TFDP3: variants seen among roughly 807,000 people sequenced by gnomAD.
TFDP3 encodes transcription factor Dp family member 3.
For missense variants in TFDP3, 353 were observed against 321.6 expected, an observed-to-expected ratio of 1.10 and a Z score of -0.75; for synonymous variants, 167 against 131.3, an observed-to-expected ratio of 1.27 and a Z score of -1.86.
rs1297192061 is a variant in TFDP3, at chrX:133,218,267, G to T, written c.-8C>A. ...ACTGACATATTTTGCCATGTTAACA[G>T]ATTTGGGAAATAAATGCTATAAATG... is the stretch of plus-strand genomic sequence containing the variant. On this transcript the variant is annotated 5_prime_UTR_variant, in exon 1 of 1. It adds an upstream start codon to the 5' untranslated region. Transcript: ENST00000310125. The T allele has an allele frequency of 9.0e-7, 1 of 1,114,938 alleles. No homozygotes were observed. The highest frequency in any genetic ancestry group is 2.3e-5 in the South Asian group (1 of 44,295). 91.9% of individuals were successfully genotyped at this position (1,114,938 alleles called of 1,213,427 possible).
In TFDP3 at chrX:133,218,223, C is replaced by G; in HGVS notation, c.37G>C (p.Glu13Gln). 1 of 1,155,932 alleles carries G rather than the reference C, an allele frequency of 8.7e-7. No homozygotes were observed. The highest frequency in any genetic ancestry group is 1.2e-6 in the Non-Finnish European group (1 of 869,377). Residue 13 changes from glutamate (E) to glutamine (Q), a missense_variant, in exon 1 of 1, where the codon GAA becomes CAA. Glu to Gln is a conservative substitution (Grantham distance 29). Transcript: ENST00000310125. ...KYVSLTEANE[E>Q]LKVLMDENQT... ...TTCTCGTCCATTAAGACCTTGAGTTCTTCGTTAGCTTCAGTGAGACTGACA... is the reference window on the plus strand; with the variant it reads ...TTCTCGTCCATTAAGACCTTGAGTTGTTCGTTAGCTTCAGTGAGACTGACA...
rs1184320386 is a variant in TFDP3 at position 133,218,032 on chromosome X, T to C, written c.228A>G (p.Pro76=). 8.3e-7 allele frequency: 1 copy of C among 1,211,861 alleles called. No homozygotes were observed. Among genetic ancestry groups the C allele is most frequent in the Non-Finnish European group, 1.1e-6 (1 of 895,561 alleles). ...AASNIPVVGS[P]NPPSTHFASQ... Reference sequence around the variant, plus strand: ...AGGCAAAGTGAGTGCTGGGTGGGTTTGGGCTTCCTACCACAGGGATGTTTG... The same window carrying C: ...AGGCAAAGTGAGTGCTGGGTGGGTTCGGGCTTCCTACCACAGGGATGTTTG... The change falls in exon 1 of 1, where the codon CCA becomes CCG. Residue 76 remains proline, a synonymous_variant. Coordinates refer to ENST00000310125, the MANE Select transcript of TFDP3 (RefSeq NM_016521.3).
chrX:133,217,573 C>A lies in TFDP3; in HGVS notation c.687G>T (p.Lys229Asn). 8.3e-7 allele frequency: 1 copy of A among 1,211,882 alleles called. No individual in the cohort carries two copies. ...QQLILQQIAF[K>N]NLVLRNQYVE... ...CATACTGGTTTCTCAGCACCAGGTT[C>A]TTGAAAGCAATTTGCTGTAGAATAA... Residue 229 changes from lysine (K) to asparagine (N), a missense_variant, in exon 1 of 1, where the codon AAG becomes AAT. Transcript: ENST00000310125.
At position 133,218,230 on chromosome X, in the gene TFDP3, A is replaced by T. The variant is rs779758323; in HGVS notation, c.30T>A (p.Ala10=). MAKYVSLTE[A]NEELKVLMDE... ...CCATTAAGACCTTGAGTTCTTCGTT[A>T]GCTTCAGTGAGACTGACATATTTTG... Residue 10 remains alanine (A), a synonymous_variant, in exon 1 of 1, where the codon GCT becomes GCA. Transcript: ENST00000310125. The T allele has an allele frequency of 8.7e-7, 1 of 1,146,465 alleles. No individual in the cohort carries two copies. The highest frequency in any genetic ancestry group is 1.2e-6 in the Non-Finnish European group (1 of 865,108). 94.5% of individuals were successfully genotyped at this position (1,146,465 alleles called of 1,213,427 possible).
rs768980407 is a variant in TFDP3 at position 133,218,092 on chromosome X, TTGC to T, written c.165_167del (p.Gln56del). The T allele has an allele frequency of 2.5e-6, 3 of 1,209,435 alleles. No homozygotes were observed. The African/African-American group carries it at 5.3e-5, about 21-fold the overall frequency. On this transcript the variant is annotated inframe_deletion, in exon 1 of 1. Coordinates refer to ENST00000310125, the MANE Select transcript of TFDP3 (RefSeq NM_016521.3). ...GTCTCTGAGGCATACCAATTACCAC[TTGC>T]TGGTCAATGTTGACACTGGACTGTC...
chrX:133,217,472 T>C lies in TFDP3; in HGVS notation c.788A>G (p.Lys263Arg), dbSNP rs755588251. The change falls in exon 1 of 1, where the codon AAG (lysine) becomes AGG (arginine). Residue 263 changes from lysine to arginine, a missense_variant. Transcript: ENST00000310125. ...HVPFIIISSSKKTVINCSISD... is the reference protein window; with the variant it reads ...HVPFIIISSSRKTVINCSISD... The stretch of plus-strand genomic sequence containing the variant: ...GATGCTGCAGTTGATGACGGTCTTC[T>C]TGCTACTGCTGATGATGATGAAGGG... The C allele has an allele frequency of 1.7e-6, 2 of 1,212,023 alleles. No homozygotes were observed. Among genetic ancestry groups the C allele is most frequent in the Non-Finnish European group, 2.2e-6 (2 of 895,557 alleles).
At position 133,216,987 on chromosome X, in the gene TFDP3, A is replaced by T; in HGVS notation, c.*55T>A. On this transcript the variant is annotated 3_prime_UTR_variant, in exon 1 of 1. Transcript: ENST00000310125. ...AAAACCTCACATTAAAAAAAAAAAA[A>T]AAGTTTCTTTTCCCTAAATGTTTTC... 2.6e-6 allele frequency: 3 copies of T among 1,138,572 alleles called. No individual in the cohort carries two copies. The highest frequency in any genetic ancestry group is 6.1e-5 in the Admixed American group (2 of 32,696). The allele number at this position is 1,138,572 out of a possible 1,213,427, so 93.8% of individuals were successfully genotyped here.
At position 133,218,223 on chromosome X, in the gene TFDP3, C is replaced by T; in HGVS notation, c.37G>A (p.Glu13Lys). 1.7e-6 allele frequency: 2 copies of T among 1,155,932 alleles called. No homozygotes were observed. Among genetic ancestry groups the T allele is most frequent in the Non-Finnish European group, 2.3e-6 (2 of 869,377 alleles). ...KYVSLTEANE[E>K]LKVLMDENQT... ...TTCTCGTCCATTAAGACCTTGAGTT[C>T]TTCGTTAGCTTCAGTGAGACTGACA... The change falls in exon 1 of 1, where the codon GAA becomes AAA. Residue 13 changes from glutamate (E) to lysine (K), a missense_variant. Coordinates refer to ENST00000310125, the MANE Select transcript of TFDP3 (RefSeq NM_016521.3).
In TFDP3 at chrX:133,218,328, G is replaced by C; in HGVS notation, c.-69C>G. Reference sequence around the variant, plus strand: ...CAGAGAAGAAAAACAATTCTTCCAGGCCGAGTGTAGGGCTGCCGTGAGGTG... The same window carrying C: ...CAGAGAAGAAAAACAATTCTTCCAGCCCGAGTGTAGGGCTGCCGTGAGGTG... On this transcript the variant is annotated 5_prime_UTR_variant, in exon 1 of 1. Coordinates refer to ENST00000310125, the MANE Select transcript of TFDP3 (RefSeq NM_016521.3). 1 of 996,267 alleles carries C rather than the reference G, an allele frequency of 1.0e-6. No individual in the cohort carries two copies. The highest frequency in any genetic ancestry group is 1.3e-6 in the Non-Finnish European group (1 of 747,318). 82.1% of individuals were successfully genotyped at this position (996,267 alleles called of 1,213,427 possible).
In TFDP3 at chrX:133,217,054, G is replaced by A. The variant is rs1166233911; in HGVS notation, c.1206C>T (p.Asp402=). The A allele has an allele frequency of 4.2e-6, 5 of 1,198,617 alleles. No individual in the cohort carries two copies. Among genetic ancestry groups the A allele is most frequent in the Non-Finnish European group, 4.5e-6 (4 of 887,515 alleles). ...DNNDDDLSEN[D]EDD ...AGGCGAGAGGACGTCAGTCATCCTC[G>A]TCATTCTCACTGAGGTCGTCATCGT... The change falls in exon 1 of 1, where the codon GAC becomes GAT. Residue 402 remains aspartate (D), a synonymous_variant. Coordinates refer to ENST00000310125, the MANE Select transcript of TFDP3 (RefSeq NM_016521.3).
chrX:133,217,262 G>A lies in TFDP3; in HGVS notation c.998C>T (p.Ala333Val). ...GAACACACCTCCAAAAGTTCCCTGA[G>A]CCATTTCTGTCACGTACGGCTCCAG... ...KALEPYVTEM[A>V]QGTFGGVFTT... The change falls in exon 1 of 1, where the codon GCT (alanine) becomes GTT (valine). Residue 333 changes from alanine to valine, a missense_variant. Physicochemically the swap from Ala to Val is moderately conservative, Grantham distance 64 (BLOSUM62 0). Coordinates refer to ENST00000310125, the MANE Select transcript of TFDP3 (RefSeq NM_016521.3). 8.3e-7 allele frequency: 1 copy of A among 1,211,981 alleles called. No homozygotes were observed.
Position 133,217,439 on chromosome X carries a change from T to C in TFDP3, c.821A>G (p.Asp274Gly). Residue 274 changes from aspartate to glycine, a missense_variant, in exon 1 of 1, where the codon GAC (aspartate) becomes GGC (glycine). By Grantham distance (94) the Asp-to-Gly change is moderately conservative. Transcript: ENST00000310125. ...AAACTTAAACAGATATTCTGATTTG[T>C]CGTCGGAGATGCTGCAGTTGATGAC... ...KTVINCSISD[D>G]KSEYLFKFNS... 2 of 1,211,629 alleles carry C rather than the reference T, an allele frequency of 1.7e-6. No individual in the cohort carries two copies. The highest frequency in any genetic ancestry group is 5.9e-5 in the East Asian group (2 of 33,830).
Position 133,218,036 on chromosome X carries a change from C to A in TFDP3, c.224G>T (p.Ser75Ile). Residue 75 changes from serine (S) to isoleucine (I), a missense_variant, in exon 1 of 1, where the codon AGC becomes ATC. Coordinates refer to ENST00000310125, the MANE Select transcript of TFDP3 (RefSeq NM_016521.3). ...PAASNIPVVG[S>I]PNPPSTHFAS... ...AAAGTGAGTGCTGGGTGGGTTTGGG[C>A]TTCCTACCACAGGGATGTTTGATGC... is the stretch of plus-strand genomic sequence containing the variant. The A allele has an allele frequency of 1.7e-6, 2 of 1,211,704 alleles. No individual in the cohort carries two copies. Among genetic ancestry groups the A allele is most frequent in the Non-Finnish European group, 2.2e-6 (2 of 895,546 alleles).
Position 133,217,876 on chromosome X carries a change from A to T in TFDP3, c.384T>A (p.Thr128=). ...VWETVQRKGT[T]SCQEVVGELV... The stretch of plus-strand genomic sequence containing the variant: ...GCTCGCCCACCACTTCCTGGCAGGA[A>T]GTGGTCCCTTTCCTCTGCACCGTCT... Residue 128 remains threonine (T), a synonymous_variant, in exon 1 of 1, where the codon ACT becomes ACA. Transcript: ENST00000310125. 8.3e-7 allele frequency: 1 copy of T among 1,211,659 alleles called. No homozygotes were observed. Among genetic ancestry groups the T allele is most frequent in the Non-Finnish European group, 1.1e-6 (1 of 895,469 alleles).
At position 133,218,148 on chromosome X, in the gene TFDP3, C is replaced by G. The variant is rs748945772; in HGVS notation, c.112G>C (p.Gly38Arg). The G allele has an allele frequency of 8.3e-7, 1 of 1,207,307 alleles. No homozygotes were observed. Among genetic ancestry groups the G allele is most frequent in the South Asian group, 1.8e-5 (1 of 56,146 alleles). Residue 38 changes from glycine (G) to arginine (R), a missense_variant, in exon 1 of 1, where the codon GGG becomes CGG. Coordinates refer to ENST00000310125, the MANE Select transcript of TFDP3 (RefSeq NM_016521.3). The part of the protein sequence containing the change: ...AVHTSTVNPL[G>R]KQLLPKTFGQ... The stretch of plus-strand genomic sequence containing the variant: ...AAGGTTTTCGGCAAGAGCTGCTTCC[C>G]GAGCGGGTTCACGGTGGAGGTGTGA...
rs111884715 is a variant in TFDP3, at chrX:133,216,974, TAA to T, written c.*66_*67del. On this transcript the variant is annotated 3_prime_UTR_variant, in exon 1 of 1. Coordinates refer to ENST00000310125, the MANE Select transcript of TFDP3 (RefSeq NM_016521.3). ...AAAAAAGAAACAGAAAACCTCACAT[TAA>T]AAAAAAAAAAAAAGTTTCTTTTCCC... 0.014 allele frequency: 14,165 copies of T among 981,152 alleles called. 489 individuals are homozygous for T. In the African/African-American group the frequency reaches 0.19, roughly 13 times the overall value. 80.9% of individuals were successfully genotyped at this position (981,152 alleles called of 1,213,427 possible).
At position 133,217,096 on chromosome X, in the gene TFDP3, T is replaced by C. The variant is rs757273344; in HGVS notation, c.1164A>G (p.Glu388=). 1 of 1,211,221 alleles carries C rather than the reference T, an allele frequency of 8.3e-7. No individual in the cohort carries two copies. Among genetic ancestry groups the C allele is most frequent in the Middle Eastern group, 2.3e-4 (1 of 4,354 alleles). Residue 388 remains glutamate (E), a synonymous_variant, in exon 1 of 1, where the codon GAA becomes GAG. Coordinates refer to ENST00000310125, the MANE Select transcript of TFDP3 (RefSeq NM_016521.3). ...SRVETPAVEE[E]EEEDNNDDDL... ...CGTCATCGTTGTTGTCCTCCTCCTC[T>C]TCCTCCTCGACTGCTGGGGTCTCCA...
Position 133,217,942 on chromosome X carries a change from C to A in TFDP3, c.318G>T (p.Lys106Asn), listed in dbSNP as rs768047382. 8.3e-6 allele frequency: 10 copies of A among 1,210,216 alleles called. No individual in the cohort carries two copies. In the Admixed American group the frequency reaches 8.7e-5, roughly 11 times the overall value. ...AAAGACGGCACAGGCCCATGCCATT[C>A]TTCTCTCCTTTCCTGTTGTGCTGCC... ...WAGQHNRKGEKNGMGLCRLSM... is the reference protein window; with the variant it reads ...WAGQHNRKGENNGMGLCRLSM... Residue 106 changes from lysine (K) to asparagine (N), a missense_variant, in exon 1 of 1, where the codon AAG becomes AAT. Transcript: ENST00000310125.
Position 133,217,007 on chromosome X carries a change from G to GA in TFDP3, c.*34_*35insT, listed in dbSNP as rs765232764. ...AAAAAAAAGTTTCTTTTCCCTAAAT[G>GA]TTTTCCTGAAGCTGAATCTTAAGGC... On this transcript the variant is annotated 3_prime_UTR_variant, in exon 1 of 1. Transcript: ENST00000310125. 2 of 1,135,727 alleles carry GA rather than the reference G, an allele frequency of 1.8e-6. No individual in the cohort carries two copies. Among genetic ancestry groups the GA allele is most frequent in the East Asian group, 3.1e-5 (1 of 32,391 alleles). 93.6% of individuals were successfully genotyped at this position (1,135,727 alleles called of 1,213,427 possible).
Sources: gnomAD v4.1 joint callset for allele counts on GRCh38, gnomAD v4.1.1 for gene constraint, MANE v1.5 for transcripts, NCBI Gene and HGNC (gene_info 2026-07-23, HGNC 2026-07-21) for gene names.